Variants in CLSTN2 observed in about 807,000 individuals in gnomAD.
The protein encoded by CLSTN2 is calsyntenin-2.
In CLSTN2, 48 loss-of-function variants were observed where a neutral mutation model predicts 101.2. The observed-to-expected ratio is 0.47, with a 90% confidence interval of 0.38 to 0.60. The LOEUF (loss-of-function observed/expected upper bound fraction) is 0.60, where lower values mean the gene tolerates loss of function less well. Among genes scored for constraint, CLSTN2 ranks in the 20% least tolerant of loss-of-function variants. The pLI is 0.00. For synonymous variants in CLSTN2, 481 were observed against 463.6 expected (o/e 1.04, Z -0.48); for missense variants, 1,160 against 1,238.2 (o/e 0.94, Z 0.95).
At chr3:140,448,152 G>A (rs1357471909) in intron 5 of CLSTN2, among the ~76,000 whole-genome samples, 4 of 152,242 alleles carry the variant, frequency 2.6e-5, no homozygotes, top group East Asian at 1.9e-4. Flanking sequence ...AGGCGTGGAC[G>A]GGTGTGGCTC....
At chr3:140,229,027 G>T (rs1302732860) in intron 2 of CLSTN2, among the ~76,000 whole-genome samples, 2 of 152,164 alleles carry the variant, frequency 1.3e-5, no homozygotes, top group African/African-American at 4.8e-5. Flanking sequence ...GTCCCTTGAG[G>T]TGAGGAATTA....
At chr3:140,367,533 A>C (rs1050395811) in intron 2 of CLSTN2, among the ~76,000 whole-genome samples, 2 of 136,550 alleles carry the variant, frequency 1.5e-5, no homozygotes, top group Admixed American at 1.5e-4. Flanking sequence ...AAAAAAAAAA[A>C]AGGAAAGAGA....
At chr3:140,248,118 C>T (rs1394324531) in intron 2 of CLSTN2, among the ~76,000 whole-genome samples, 1 of 152,200 alleles carries the variant, frequency 6.6e-6, no homozygotes, top group Non-Finnish European at 1.5e-5. Flanking sequence ...TCTTCAAAGA[C>T]CTGTCTGTGG....
chr3:140,030,696 G>A (rs763112741), intron 1 of CLSTN2, among the ~76,000 whole-genome samples: 8 of 152,164 alleles, frequency 5.3e-5, no homozygotes, highest in Non-Finnish European at 7.3e-5. Flanking sequence ...GTCCCTTATC[G>A]AGAAAGATAG....
chr3:140,414,977 TA>T (rs1294088725), intron 4 of CLSTN2, among the ~76,000 whole-genome samples: 1 of 151,840 alleles, frequency 6.6e-6, no homozygotes, highest in Non-Finnish European at 1.5e-5. Flanking sequence ...GTAGCTGTCA[TA>T]AAAACAGACA....
chr3:140,356,799 G>A (rs373992914), intron 2 of CLSTN2, among the ~76,000 whole-genome samples: 13 of 145,104 alleles, frequency 9.0e-5, no homozygotes, highest in African/African-American at 3.3e-4. Flanking sequence ...CAAACATACA[G>A]AACATACAGT....
chr3:140,081,273 G>A (rs1490106540), intron 1 of CLSTN2, among the ~76,000 whole-genome samples: 1 of 152,102 alleles, frequency 6.6e-6, no homozygotes, highest in African/African-American at 2.4e-5. Flanking sequence ...GAACAATGAA[G>A]AAAAGATAAA....
chr3:140,557,547 A>G (rs780338254), intron 11 of CLSTN2, among the ~76,000 whole-genome samples: 1 of 152,172 alleles, frequency 6.6e-6, no homozygotes, highest in Non-Finnish European at 1.5e-5. Context: ...TGCAAACTGA[A>G]GAAAGGTCGG....
intron 5 of CLSTN2, among the ~76,000 whole-genome samples, chr3:140,444,658 A>G (rs931931825): frequency 1.3e-5 from 2 of 152,126 alleles, no homozygotes; most frequent in Non-Finnish European, 2.9e-5. Context: ...TAATATATCT[A>G]TTGGTCATGG....
In CLSTN2 at chr3:140,558,633, T is replaced by C. The variant is rs774317244; in HGVS notation, c.1824-7T>C. Reference sequence around the variant, plus strand: ...CATCAGTGCCATGACCGAGAATGTTTTCCCAGGTGCTTTGGGGAAGACGTA... The same window carrying C: ...CATCAGTGCCATGACCGAGAATGTTCTCCCAGGTGCTTTGGGGAAGACGTA... On this transcript the variant is annotated splice_region_variant and splice_polypyrimidine_tract_variant and intron_variant, in intron 11 of 16. Transcript: ENST00000458420. The C allele has an allele frequency of 6.2e-7, 1 of 1,609,902 alleles. No homozygotes were observed. The highest frequency in any genetic ancestry group is 8.5e-7 in the Non-Finnish European group (1 of 1,176,708).
chr3:140,262,056 C>T (rs2086658558), intron 2 of CLSTN2, among the ~76,000 whole-genome samples: 1 of 151,570 alleles, frequency 6.6e-6, no homozygotes, highest in African/African-American at 2.4e-5. Context: ...AGCTGTGTGA[C>T]CTTAGTTTAG....
intron 2 of CLSTN2, among the ~76,000 whole-genome samples, chr3:140,252,986 G>T (rs377733613): frequency 6.6e-6 from 1 of 152,212 alleles, no homozygotes; most frequent in Admixed American, 6.5e-5. Context: ...TCTCTGGATA[G>T]CCCCACCCCT....
intron 1 of CLSTN2, among the ~76,000 whole-genome samples, chr3:139,987,898 C>T (rs1366709288): frequency 6.6e-6 from 1 of 152,170 alleles, no homozygotes; most frequent in Admixed American, 6.5e-5. Flanking sequence ...ATAACAGCTG[C>T]CACAGTTACG....
intron 2 of CLSTN2, among the ~76,000 whole-genome samples, chr3:140,179,620 CAAAAAAAAAAAAAAAAAAA>C (rs57433306): frequency 2.7e-5 from 1 of 37,464 alleles, no homozygotes; most frequent in African/African-American, 7.9e-5. Context: ...GACCCTATCT[CAAAAAAAAAAAAAAAAAAA>C]AAAAAAAAAA....
chr3:140,402,490 A>G (rs2107977711), intron 2 of CLSTN2, among the ~76,000 whole-genome samples: 1 of 152,336 alleles, frequency 6.6e-6, no homozygotes, highest in East Asian at 1.9e-4. Flanking sequence ...GTATGGGTAC[A>G]AAGCTTGGTG....
Position 140,562,838 on chromosome 3 carries a change from A to C in CLSTN2, c.2240A>C (p.Gln747Pro). Reference protein sequence around the residue: ...YGVGSMSRYEQVLHHIRYRNW... With the variant: ...YGVGSMSRYEPVLHHIRYRNW... Reference sequence around the variant, plus strand: ...GTGGGCTCCATGAGCCGCTATGAGCAGGTGCTACATCACATCCGCTACCGC... The same window carrying C: ...GTGGGCTCCATGAGCCGCTATGAGCCGGTGCTACATCACATCCGCTACCGC... Residue 747 changes from glutamine (Q) to proline (P), a missense_variant, in exon 14 of 17, where the codon CAG (glutamine) becomes CCG (proline). Coordinates refer to ENST00000458420, the MANE Select transcript of CLSTN2 (RefSeq NM_022131.3). The C allele has an allele frequency of 6.2e-7, 1 of 1,614,068 alleles. No homozygotes were observed. Among genetic ancestry groups the C allele is most frequent in the East Asian group, 2.2e-5 (1 of 44,858 alleles).
intron 11 of CLSTN2, 138 bp from the exon 12 acceptor site, chr3:140,558,502 C>G (rs1576626457): frequency 1.6e-6 from 1 of 617,368 alleles, no homozygotes; most frequent in East Asian, 2.8e-5. Flanking sequence ...ATTTGAATGT[C>G]TGTTGACATC....
At position 140,556,817 on chromosome 3, in the gene CLSTN2, G is replaced by C. The variant is rs114247927; in HGVS notation, c.1823+156G>C. The C allele has an allele frequency of 2.9e-3, 1,954 of 664,186 alleles. 35 individuals carry two copies. The African/African-American group carries it at 0.032, about 11-fold the overall frequency. The allele number at this position is 664,186 out of a possible 1,614,324, so 41.1% of individuals were successfully genotyped here. ...CCTCTGAGGATGCCTCAAAGGATCTGTGTTCTTGTTTTCTTCCTAAGCAAG... is the reference window on the plus strand; with the variant it reads ...CCTCTGAGGATGCCTCAAAGGATCTCTGTTCTTGTTTTCTTCCTAAGCAAG... On this transcript the variant is annotated intron_variant, in intron 11 of 16. Transcript: ENST00000458420.
At chr3:140,050,464 A>G (rs2007970161) in intron 1 of CLSTN2, among the ~76,000 whole-genome samples, 1 of 152,230 alleles carries the variant, frequency 6.6e-6, no homozygotes, top group South Asian at 2.1e-4. Context: ...CATGGAAGCC[A>G]TGACCATCCC....
Sources: allele counts gnomAD v4.1 joint callset (sites outside exome capture counted in the v4.1 genomes callset), GRCh38; gene constraint gnomAD v4.1.1; transcripts MANE v1.5; gene names NCBI Gene and HGNC (gene_info 2026-07-23, HGNC 2026-07-21).